Variants in ZNF518A observed in about 807,000 individuals in gnomAD.
ZNF518A encodes the protein zinc finger protein 518.
Under a neutral mutation model 102.7 loss-of-function variants are expected in ZNF518A, and 47 were observed. The ratio of observed to expected loss-of-function variants is 0.46; its 90% CI spans 0.36 to 0.58. ZNF518A has a LOEUF of 0.58. ZNF518A is among the 20% of genes least tolerant of loss of function. The pLI, the probability that ZNF518A is intolerant of heterozygous loss-of-function variation, is 0.00. For synonymous variants in ZNF518A, 652 were observed against 594.6 expected (o/e 1.10, Z -1.40); for missense variants, 1,793 against 1,699.8 (o/e 1.05, Z -0.96).
chr10:96,204,847 C>T, downstream of ZNF518A: 1 of 488,950 alleles, frequency 2.0e-6, no homozygotes, highest in Admixed American at 3.0e-5. Context: ...ACCACCTCTG[C>T]ATTCATCCAC....
At position 96,199,954 on chromosome 10, in the gene ZNF518A, G is replaced by A. The variant is rs1012202445; in HGVS notation, n.36-3620G>A. On this transcript the variant is annotated intron_variant and non_coding_transcript_variant, in intron 1 of 2. Transcript: ENST00000442635. ...CATGAGAATCACTTGAACTTGGGAG[G>A]CAGGCAGAGGTTGCAGTGAGCTGAG... 3.2e-5 allele frequency: 18 copies of A among 566,170 alleles called. No homozygotes were observed. In the African/African-American group the frequency reaches 3.6e-4, roughly 11 times the overall value. The allele number at this position is 566,170 out of a possible 1,614,324, so 35.1% of individuals were successfully genotyped here.
intron 1 of ZNF518A, among the ~76,000 whole-genome samples, chr10:96,173,688 T>G (rs1458689052): frequency 6.6e-6 from 1 of 152,156 alleles, no homozygotes; most frequent in Non-Finnish European, 1.5e-5. Flanking sequence ...AGTTGGACAC[T>G]TTGATACTCC....
At chr10:96,140,464 T>C (rs1439030466) in intron 3 of ZNF518A, among the ~76,000 whole-genome samples, 2 of 152,170 alleles carry the variant, frequency 1.3e-5, no homozygotes, top group Non-Finnish European at 2.9e-5. Context: ...CCTCCCCTCA[T>C]GTATTCCAAA....
intron 3 of ZNF518A, among the ~76,000 whole-genome samples, chr10:96,141,081 A>T (rs2081901023): frequency 6.6e-6 from 1 of 152,208 alleles, no homozygotes; most frequent in Non-Finnish European, 1.5e-5. Flanking sequence ...ATAGTCATAT[A>T]TTTGATTTGA....
rs781854009 is a variant in ZNF518A at position 96,160,456 on chromosome 10, A to G, written c.4134A>G (p.Ser1378=). The change falls in exon 6 of 6, where the codon TCA becomes TCG. Residue 1378 remains serine (S), a synonymous_variant. Transcript: ENST00000316045. ...TTAATGGACATGTACTTAAGGTTTC[A>G]TTGTCAAAAAGAACTATAAATGCTT... ...AKFNGHVLKV[S]LSKRTINALL... is the part of the protein sequence containing the mutation. The G allele has an allele frequency of 6.2e-7, 1 of 1,613,374 alleles. No individual in the cohort carries two copies. Among genetic ancestry groups the G allele is most frequent in the South Asian group, 1.1e-5 (1 of 90,996 alleles).
downstream of ZNF518A, among the ~76,000 whole-genome samples, chr10:96,167,459 A>G (rs2133879596): frequency 6.6e-6 from 1 of 152,350 alleles, no homozygotes; most frequent in East Asian, 1.9e-4. Flanking sequence ...CTCAAAATAA[A>G]TAAGTAAACC....
intron 1 of ZNF518A, among the ~76,000 whole-genome samples, chr10:96,187,153 A>G (rs1294046857): frequency 1.3e-5 from 2 of 152,238 alleles, no homozygotes; most frequent in African/African-American, 2.4e-5. Flanking sequence ...TTTTCCTAAT[A>G]CACAATTATA....
At chr10:96,189,998 G>T in intron 1 of ZNF518A, 1 of 822,220 alleles carries the variant, frequency 1.2e-6, no homozygotes. Context: ...AGGTGCCAGT[G>T]TTATTTAATT....
intron 3 of ZNF518A, among the ~76,000 whole-genome samples, chr10:96,142,562 T>A (rs2081988776): frequency 6.7e-6 from 1 of 148,830 alleles, no homozygotes; most frequent in African/African-American, 2.4e-5. Flanking sequence ...TGAATATAGC[T>A]AAGCTAAAAC....
At chr10:96,201,152 G>GACA in intron 1 of ZNF518A, 1 of 1,138,096 alleles carries the variant, frequency 8.8e-7, no homozygotes, top group Non-Finnish European at 1.3e-6. Flanking sequence ...TGCTGCCAGG[G>GACA]ACACATCCAC....
chr10:96,141,288 A>G (rs190103891), intron 3 of ZNF518A, among the ~76,000 whole-genome samples: 1 of 152,106 alleles, frequency 6.6e-6, no homozygotes. Context: ...AGCACTGGCT[A>G]TTCTTTAAGT....
rs1554885112 is a variant in ZNF518A at position 96,158,784 on chromosome 10, A to G, written c.2462A>G (p.Glu821Gly). ...TGTGACCAGTCATTTCAAAAACACGAGAGAGAAGGCAAAATTGTTGAATCT... is the reference window on the plus strand; with the variant it reads ...TGTGACCAGTCATTTCAAAAACACGGGAGAGAAGGCAAAATTGTTGAATCT... ...LHCDQSFQKH[E>G]REGKIVESSK... is the part of the protein sequence containing the mutation. The change falls in exon 6 of 6, where the codon GAG (glutamate) becomes GGG (glycine). Residue 821 changes from glutamate (E) to glycine (G), a missense_variant. Physicochemically the swap from Glu to Gly is moderately conservative, Grantham distance 98. Transcript: ENST00000316045. 2 of 1,613,674 alleles carry G rather than the reference A, an allele frequency of 1.2e-6. No individual in the cohort carries two copies. The highest frequency in any genetic ancestry group is 2.2e-5 in the South Asian group (2 of 91,056).
In ZNF518A at chr10:96,159,173, C is replaced by A; in HGVS notation, c.2851C>A (p.Pro951Thr). 1 of 1,613,734 alleles carries A rather than the reference C, an allele frequency of 6.2e-7. No individual in the cohort carries two copies. Among genetic ancestry groups the A allele is most frequent in the Non-Finnish European group, 8.5e-7 (1 of 1,179,742 alleles). Residue 951 changes from proline to threonine, a missense_variant, in exon 6 of 6, where the codon CCA (proline) becomes ACA (threonine). By Grantham distance (38) the Pro-to-Thr change is conservative. This residue lies in a region of ZNF518A where 1,741 missense variants were observed against 1,622.6 expected (regional missense o/e 1.07). Transcript: ENST00000316045. ...PLNITNKPGL[P>T]VIPGNALPLV... ...GAACATTACTAACAAGCCTGGGCTA[C>A]CAGTTATTCCTGGAAATGCACTTCC...
chr10:96,159,405 G>A lies in ZNF518A; in HGVS notation c.3083G>A (p.Cys1028Tyr). 1 of 1,613,802 alleles carries A rather than the reference G, an allele frequency of 6.2e-7. No individual in the cohort carries two copies. The highest frequency in any genetic ancestry group is 2.2e-5 in the East Asian group (1 of 44,882). ...AATAATTGTCTTACACCTGGACTTT[G>A]TTCCAGCATTGGCAGTTGTTTGAGC... Reference protein sequence around the residue: ...PNNNCLTPGLCSSIGSCLSMK... With the variant: ...PNNNCLTPGLYSSIGSCLSMK... Residue 1028 changes from cysteine (C) to tyrosine (Y), a missense_variant, in exon 6 of 6, where the codon TGT becomes TAT. Around this residue, in one of 3 missense-constraint regions of ZNF518A, gnomAD observed 1,741 missense variants for 1,622.6 expected, o/e 1.07. Coordinates refer to ENST00000316045, the MANE Select transcript of ZNF518A (RefSeq NM_001330736.2).
Position 96,158,068 on chromosome 10 carries a change from T to A in ZNF518A, c.1746T>A (p.His582Gln), listed in dbSNP as rs2082789883. The A allele has an allele frequency of 2.5e-6, 4 of 1,613,700 alleles. No homozygotes were observed. The African/African-American group carries it at 4.0e-5, about 16-fold the overall frequency. The change falls in exon 6 of 6, where the codon CAT becomes CAA. Residue 582 changes from histidine (H) to glutamine (Q), a missense_variant. His to Gln is a conservative substitution (Grantham distance 24). Transcript: ENST00000316045. The part of the protein sequence containing the change: ...TRDNVDFWGN[H>Q]LTQSHPEVLG... ...ATAATGTTGACTTCTGGGGAAATCA[T>A]CTCACTCAGAGTCACCCCGAGGTAT...
chr10:96,198,180 T>C (rs2083525047), intron 1 of ZNF518A, among the ~76,000 whole-genome samples: 1 of 151,780 alleles, frequency 6.6e-6, no homozygotes, highest in South Asian at 2.1e-4. Context: ...ATTTAAGAAA[T>C]GACACTTGAA....
intron 3 of ZNF518A, among the ~76,000 whole-genome samples, chr10:96,145,426 AATTC>A (rs1210989866): frequency 5.3e-5 from 8 of 152,350 alleles, no homozygotes; most frequent in African/African-American, 1.9e-4. Flanking sequence ...TGGTTGTATT[AATTC>A]CCATTACTTT....
intron 3 of ZNF518A, among the ~76,000 whole-genome samples, chr10:96,154,668 G>A (rs587719853): frequency 1.7e-4 from 26 of 152,182 alleles, no homozygotes; most frequent in African/African-American, 5.5e-4. Context: ...CTGGTTTCCT[G>A]ACAGTTCCAG....
Position 96,134,988 on chromosome 10 carries a change from T to TTC in ZNF518A, c.-302+1342_-302+1343dup, listed in dbSNP as rs113210344. Among the ~76,000 whole-genome samples, 816 of 152,326 alleles carry TTC rather than the reference T, an allele frequency of 5.4e-3. 7 individuals are homozygous for TTC. The highest frequency in any genetic ancestry group is 0.019 in the African/African-American group (779 of 41,568). On this transcript the variant is annotated intron_variant, in intron 3 of 5. Transcript: ENST00000316045. Reference sequence around the variant, plus strand: ...TCATTAGAGAACCACCCCTCCCCTATTCTGAGTGGTTGGTGGGCTGTCCGT... The same window carrying TTC: ...TCATTAGAGAACCACCCCTCCCCTATTCTCTGAGTGGTTGGTGGGCTGTCCGT...
Sources: allele counts gnomAD v4.1 joint callset (sites outside exome capture counted in the v4.1 genomes callset), GRCh38; gene constraint gnomAD v4.1.1; regional missense constraint gnomAD v4.1.1; transcripts MANE v1.5; gene names NCBI Gene and HGNC (gene_info 2026-07-23, HGNC 2026-07-21).